CTNNA3: variants seen among roughly 807,000 people sequenced by gnomAD.
The protein encoded by CTNNA3 is catenin alpha 3.
Under a neutral mutation model 95.7 loss-of-function variants are expected in CTNNA3, and 76 were observed. The ratio of observed to expected loss-of-function variants is 0.79; its 90% CI spans 0.66 to 0.96. The LOEUF (loss-of-function observed/expected upper bound fraction) is 0.96, where lower values mean the gene tolerates loss of function less well. Ranked by LOEUF, CTNNA3 falls within the 40% of genes least tolerant of loss-of-function variation. The pLI is 0.00. For synonymous variants in CTNNA3, 431 were observed against 374.4 expected (o/e 1.15, Z -1.74); for missense variants, 1,191 against 1,089.8 (o/e 1.09, Z -1.31).
chr10:66,490,196 T>C (rs949261009), intron 11 of CTNNA3, among the ~76,000 whole-genome samples: 2 of 152,178 alleles, frequency 1.3e-5, no homozygotes, highest in Non-Finnish European at 2.9e-5. Flanking sequence ...ACCATTTAAC[T>C]TCTTAATTTT....
intron 9 of CTNNA3, among the ~76,000 whole-genome samples, chr10:66,712,497 G>C (rs1269677555): frequency 6.6e-6 from 1 of 152,056 alleles, no homozygotes; most frequent in East Asian, 1.9e-4. Context: ...AACTTTAGCT[G>C]AAACTGATTA....
chr10:66,612,577 G>A (rs1844365112), intron 10 of CTNNA3, among the ~76,000 whole-genome samples: 2 of 152,080 alleles, frequency 1.3e-5, no homozygotes, highest in East Asian at 1.9e-4. Flanking sequence ...GGAGGTGGAA[G>A]TTGTGTCTTA....
chr10:66,753,298 A>G (rs147777425), intron 9 of CTNNA3, among the ~76,000 whole-genome samples: 116 of 152,258 alleles, frequency 7.6e-4, no homozygotes, highest in Admixed American at 3.3e-3. Context: ...CAGCCCTTTC[A>G]TGGAACACAC....
chr10:66,647,987 C>T (rs1475172445), intron 9 of CTNNA3, among the ~76,000 whole-genome samples: 1 of 152,030 alleles, frequency 6.6e-6, no homozygotes, highest in East Asian at 1.9e-4. Flanking sequence ...TAGCCATTCC[C>T]AAAGATGCAA....
At chr10:66,613,294 A>G (rs949230153) in intron 10 of CTNNA3, among the ~76,000 whole-genome samples, 1 of 151,990 alleles carries the variant, frequency 6.6e-6, no homozygotes, top group Non-Finnish European at 1.5e-5. Context: ...TTTTCCTTCT[A>G]ATAAAACTTA....
At chr10:67,646,501 T>C (rs936708322) in intron 2 of CTNNA3, among the ~76,000 whole-genome samples, 4 of 152,080 alleles carry the variant, frequency 2.6e-5, no homozygotes, top group South Asian at 2.1e-4. Context: ...AGATATCAAC[T>C]TGTACAACAT....
chr10:66,181,904 T>C (rs1307353683), intron 13 of CTNNA3, among the ~76,000 whole-genome samples: 1 of 152,208 alleles, frequency 6.6e-6, no homozygotes, highest in Non-Finnish European at 1.5e-5. Flanking sequence ...TATTGTTGTA[T>C]CCAGTTACTT....
chr10:66,074,987 A>G (rs1303811185), intron 14 of CTNNA3, among the ~76,000 whole-genome samples: 1 of 151,810 alleles, frequency 6.6e-6, no homozygotes, highest in Non-Finnish European at 1.5e-5. Flanking sequence ...CTGATCTTGT[A>G]TTTTCATTGT....
intron 14 of CTNNA3, 81 bp downstream of exon 14, chr10:66,103,076 G>C (rs534574169): frequency 3.5e-5 from 39 of 1,130,028 alleles, no homozygotes; most frequent in Non-Finnish European, 4.9e-5. Flanking sequence ...CCACCCATTA[G>C]AGGCTGCCTA....
intron 3 of CTNNA3, among the ~76,000 whole-genome samples, chr10:67,597,130 T>G (rs1842956107): frequency 6.6e-6 from 1 of 152,224 alleles, no homozygotes; most frequent in African/African-American, 2.4e-5. Flanking sequence ...GGTTCTTTCT[T>G]AAAATGGCTA....
chr10:66,237,332 C>T (rs1242697852), intron 13 of CTNNA3, among the ~76,000 whole-genome samples: 1 of 152,072 alleles, frequency 6.6e-6, no homozygotes, highest in Non-Finnish European at 1.5e-5. Context: ...CTGTGGCTTG[C>T]TACTTGAAAC....
At chr10:67,323,084 T>A (rs527371292) in intron 5 of CTNNA3, among the ~76,000 whole-genome samples, 1 of 152,328 alleles carries the variant, frequency 6.6e-6, no homozygotes, top group African/African-American at 2.4e-5. Flanking sequence ...TTCTTGTAAA[T>A]TTGTTTAAGC....
At chr10:67,183,795 C>T (rs562920218) in intron 6 of CTNNA3, among the ~76,000 whole-genome samples, 93 of 152,074 alleles carry the variant, frequency 6.1e-4, no homozygotes, top group African/African-American at 1.9e-3. Context: ...TATTTCTCAA[C>T]GTAAGCTCCA....
At chr10:67,352,259 T>C (rs1564588488) in intron 5 of CTNNA3, among the ~76,000 whole-genome samples, 2 of 151,942 alleles carry the variant, frequency 1.3e-5, no homozygotes. Flanking sequence ...ATGATTAAAA[T>C]GCTAACAGGA....
chr10:66,996,366 CT>C (rs1351677340), intron 7 of CTNNA3, among the ~76,000 whole-genome samples: 1 of 152,074 alleles, frequency 6.6e-6, no homozygotes, highest in Admixed American at 6.6e-5. Flanking sequence ...CATGTTTGGG[CT>C]GGGTGCAATG....
At chr10:66,714,868 T>C (rs1183323048) in intron 9 of CTNNA3, among the ~76,000 whole-genome samples, 3 of 152,172 alleles carry the variant, frequency 2.0e-5, no homozygotes, top group Non-Finnish European at 4.4e-5. Flanking sequence ...TTAATGAGTC[T>C]CTTCTGAAGG....
chr10:67,742,396 T>C (rs1159496762), intron 1 of CTNNA3, among the ~76,000 whole-genome samples: 1 of 151,192 alleles, frequency 6.6e-6, no homozygotes, highest in African/African-American at 2.4e-5. Flanking sequence ...CGCTCCTGAA[T>C]GACTACTGGG....
chr10:67,378,801 T>A (rs190552820), intron 5 of CTNNA3, among the ~76,000 whole-genome samples: 6 of 152,326 alleles, frequency 3.9e-5, no homozygotes, highest in Admixed American at 3.3e-4. Context: ...CCACATTTTT[T>A]ATTTAATAGA....
chr10:67,170,661 A>G (rs1861979076), intron 7 of CTNNA3, among the ~76,000 whole-genome samples: 1 of 152,166 alleles, frequency 6.6e-6, no homozygotes, highest in Admixed American at 6.6e-5. Context: ...AAAGATAACT[A>G]CTGGGTACCA....
Sources: allele counts gnomAD v4.1 joint callset (sites outside exome capture counted in the v4.1 genomes callset), GRCh38; gene constraint gnomAD v4.1.1; transcripts MANE v1.5; gene names NCBI Gene and HGNC (gene_info 2026-07-23, HGNC 2026-07-21).